Variants in RMND5A observed in about 807,000 individuals in gnomAD.
RMND5A encodes E3 ubiquitin-protein transferase RMND5A.
Under a neutral mutation model 49.7 loss-of-function variants are expected in RMND5A, and 17 were observed. That is an observed-to-expected ratio of 0.34 (90% CI 0.23 to 0.51). The LOEUF is 0.51. RMND5A is among the 20% of genes least tolerant of loss of function. The probability of loss-of-function intolerance (pLI) is 0.96; values close to 1 mark genes in which losing one functional copy is unlikely to be tolerated. For missense variants in RMND5A, 255 were observed against 471.3 expected, an observed-to-expected ratio of 0.54 and a Z score of 4.25; for synonymous variants, 156 against 167.7, an observed-to-expected ratio of 0.93 and a Z score of 0.54.
Position 86,777,016 on chromosome 2 carries a change from A to G in RMND5A, c.*3605A>G, listed in dbSNP as rs1310240974. 6.6e-6 allele frequency: 1 copy of G among 152,340 alleles called. No individual in the cohort carries two copies. Among genetic ancestry groups the G allele is most frequent in the East Asian group, 1.9e-4 (1 of 5,178 alleles). 9.4% of individuals were successfully genotyped at this position (152,340 alleles called of 1,614,324 possible). On this transcript the variant is annotated 3_prime_UTR_variant, in exon 9 of 9. Coordinates refer to ENST00000283632, the MANE Select transcript of RMND5A (RefSeq NM_022780.4). ...TCATGAACCGTTCTTAATGAACTAT[A>G]ATTGAATAGATACCAAAAATAGAAT...
chr2:86,745,120 T>G (rs1298656148), intron 2 of RMND5A, among the ~76,000 whole-genome samples: 1 of 152,184 alleles, frequency 6.6e-6, no homozygotes, highest in Non-Finnish European at 1.5e-5. Context: ...AGTATTTTAT[T>G]TAGTCAATTG....
chr2:86,749,451 G>A (rs1027585133), intron 2 of RMND5A, among the ~76,000 whole-genome samples: 1 of 151,334 alleles, frequency 6.6e-6, no homozygotes, highest in Admixed American at 6.6e-5. Context: ...GTGCAATGGC[G>A]TGATCTCGGC....
intron 2 of RMND5A, among the ~76,000 whole-genome samples, chr2:86,749,898 G>C (rs939034380): frequency 1.3e-5 from 2 of 152,140 alleles, no homozygotes; most frequent in Admixed American, 6.5e-5. Context: ...AGAAAAATGT[G>C]CTTAATTTTG....
In RMND5A at chr2:86,770,052, C is replaced by T. The variant is rs1672663831; in HGVS notation, c.884C>T (p.Ala295Val). ...TCAGCAGGTTGTGTGGCGCTGCCAG[C>T]TTTAATTAACATCAAAGCCGTGATT... is the stretch of plus-strand genomic sequence containing the variant. Reference protein sequence around the residue: ...SFSAGCVALPALINIKAVIEQ... With the variant: ...SFSAGCVALPVLINIKAVIEQ... The change falls in exon 7 of 9, where the codon GCT becomes GTT. Residue 295 changes from alanine (A) to valine (V), a missense_variant. Coordinates refer to ENST00000283632, the MANE Select transcript of RMND5A (RefSeq NM_022780.4). 4 of 1,613,962 alleles carry T rather than the reference C, an allele frequency of 2.5e-6. No individual in the cohort carries two copies. Among genetic ancestry groups the T allele is most frequent in the Non-Finnish European group, 3.4e-6 (4 of 1,179,898 alleles).
rs565580698 is a variant in RMND5A at position 86,773,598 on chromosome 2, G to A, written c.*187G>A. On this transcript the variant is annotated 3_prime_UTR_variant, in exon 9 of 9. Coordinates refer to ENST00000283632, the MANE Select transcript of RMND5A (RefSeq NM_022780.4). ...TGCTCCCGGTGAATATTATCATAGGGCTTTATTATATTCTTGGTCTTCATT... is the reference window on the plus strand; with the variant it reads ...TGCTCCCGGTGAATATTATCATAGGACTTTATTATATTCTTGGTCTTCATT... 19 of 431,698 alleles carry A rather than the reference G, an allele frequency of 4.4e-5. No individual in the cohort carries two copies. In the South Asian group the frequency reaches 1.1e-3, roughly 26 times the overall value. 26.7% of individuals were successfully genotyped at this position (431,698 alleles called of 1,614,324 possible).
intron 4 of RMND5A, among the ~76,000 whole-genome samples, chr2:86,756,748 C>T (rs1378565632): frequency 6.6e-6 from 1 of 152,100 alleles, no homozygotes; most frequent in African/African-American, 2.4e-5. Context: ...AGATATCTGC[C>T]AGTTATGCAG....
In RMND5A at chr2:86,770,040, T is replaced by C; in HGVS notation, c.872T>C (p.Val291Ala). 1 of 1,613,816 alleles carries C rather than the reference T, an allele frequency of 6.2e-7. No individual in the cohort carries two copies. Among genetic ancestry groups the C allele is most frequent in the Non-Finnish European group, 8.5e-7 (1 of 1,179,766 alleles). Residue 291 changes from valine to alanine, a missense_variant, in exon 7 of 9, where the codon GTG (valine) becomes GCG (alanine). This residue lies in a region of RMND5A where 208 missense variants were observed against 339.8 expected (regional missense o/e 0.61). Transcript: ENST00000283632. ...TCTCCCAGTTTCTCAGCAGGTTGTG[T>C]GGCGCTGCCAGCTTTAATTAACATC... ...PLSVSFSAGC[V>A]ALPALINIKA...
chr2:86,769,077 C>G (rs540094922), intron 6 of RMND5A, among the ~76,000 whole-genome samples: 1 of 152,202 alleles, frequency 6.6e-6, no homozygotes, highest in East Asian at 1.9e-4. Flanking sequence ...AGCTGGGACT[C>G]TAGGCACATG....
rs1367336231 is a variant in RMND5A, at chr2:86,728,368, G to T, written c.142+7559G>T. 2.8e-5 allele frequency among the ~76,000 whole-genome samples: 2 copies of T among 71,458 alleles called. 1 individual carries two copies. Among genetic ancestry groups the T allele is most frequent in the Non-Finnish European group, 5.7e-5 (2 of 35,162 alleles). The allele number at this position is 71,458 out of a possible 152,430, so 46.9% of individuals were successfully genotyped here. On this transcript the variant is annotated intron_variant, in intron 1 of 8. Transcript: ENST00000283632. ...ACTCTGTCACCTAGGCTGGAGTGCA[G>T]TGGTGTGTGATCTCAGCTCACTGCA... is the stretch of plus-strand genomic sequence containing the variant.
chr2:86,745,629 G>T (rs562898696), intron 2 of RMND5A, among the ~76,000 whole-genome samples: 8 of 152,172 alleles, frequency 5.3e-5, no homozygotes, highest in Non-Finnish European at 1.2e-4. Flanking sequence ...AGCAGTTGAG[G>T]ATTTACTTGA....
chr2:86,764,985 T>G, intron 4 of RMND5A, 42 bp from the exon 5 acceptor site: 2 of 1,563,156 alleles, frequency 1.3e-6, no homozygotes, highest in Non-Finnish European at 1.7e-6. Flanking sequence ...GACACCTTGC[T>G]TATGCTTTTG....
chr2:86,773,448 G>GA lies in RMND5A; in HGVS notation c.*39dup, dbSNP rs1480983719. ...TAGTTTGCAATTTGTAAGTGAAACT[G>GA]AATCGTGGGTGCATTTCAGAAGAGA... On this transcript the variant is annotated 3_prime_UTR_variant, in exon 9 of 9. Coordinates refer to ENST00000283632, the MANE Select transcript of RMND5A (RefSeq NM_022780.4). 3.1e-6 allele frequency: 4 copies of GA among 1,305,824 alleles called. No homozygotes were observed. The African/African-American group carries it at 5.8e-5, about 19-fold the overall frequency. The allele number at this position is 1,305,824 out of a possible 1,614,324, so 80.9% of individuals were successfully genotyped here. A position where few individuals can be genotyped will look rare whatever the true frequency, so the allele number is the denominator to read the frequency against.
At chr2:86,772,767 G>C (rs1672705006) in intron 8 of RMND5A, among the ~76,000 whole-genome samples, 1 of 151,988 alleles carries the variant, frequency 6.6e-6, no homozygotes, top group South Asian at 2.1e-4. Flanking sequence ...GCTGATTTTT[G>C]TATTTTTAGT....
At chr2:86,771,459 A>T in intron 7 of RMND5A, 99 bp from the exon 8 acceptor site, 1 of 1,022,160 alleles carries the variant, frequency 9.8e-7, no homozygotes, top group Middle Eastern at 2.2e-4. Flanking sequence ...AGGTGAATAG[A>T]TCTGATCAAT....
intron 2 of RMND5A, among the ~76,000 whole-genome samples, chr2:86,747,883 T>C (rs150877840): frequency 2.0e-5 from 3 of 152,304 alleles, no homozygotes; most frequent in Non-Finnish European, 4.4e-5. Flanking sequence ...CTGCCTCAGC[T>C]TCTAGATTTA....
chr2:86,764,317 A>G (rs1194278652), intron 4 of RMND5A, among the ~76,000 whole-genome samples: 1 of 152,234 alleles, frequency 6.6e-6, no homozygotes, highest in Non-Finnish European at 1.5e-5. Flanking sequence ...TTTGATTTTA[A>G]CAGCTGGCTA....
rs1304887873 is a variant in RMND5A, at chr2:86,774,584, G to A, written c.*1173G>A. ...TTCATTTATGCACTGTCCAAAAATA[G>A]CCATGTGTAAGAGTCTTTCTGTATG... On this transcript the variant is annotated 3_prime_UTR_variant, in exon 9 of 9. Coordinates refer to ENST00000283632, the MANE Select transcript of RMND5A (RefSeq NM_022780.4). 2.0e-5 allele frequency: 3 copies of A among 152,610 alleles called. No homozygotes were observed. The highest frequency in any genetic ancestry group is 4.4e-5 in the Non-Finnish European group (3 of 68,028). 9.5% of individuals were successfully genotyped at this position (152,610 alleles called of 1,614,324 possible). A position where few individuals can be genotyped will look rare whatever the true frequency, so the allele number is the denominator to read the frequency against.
Position 86,777,449 on chromosome 2 carries a change from C to T in RMND5A, c.*4038C>T, listed in dbSNP as rs1274711790. On this transcript the variant is annotated 3_prime_UTR_variant, in exon 9 of 9. Coordinates refer to ENST00000283632, the MANE Select transcript of RMND5A (RefSeq NM_022780.4). ...TGTGTCTGAAGTTCACCATTGCCCC[C>T]ACCTGCACCTAGCAAGGAACAGGTG... 2 of 152,124 alleles carry T rather than the reference C, an allele frequency of 1.3e-5. No individual in the cohort carries two copies. The highest frequency in any genetic ancestry group is 4.8e-5 in the African/African-American group (2 of 41,412). The allele number at this position is 152,124 out of a possible 1,614,324, so 9.4% of individuals were successfully genotyped here.
chr2:86,756,778 G>A (rs1486988797), intron 4 of RMND5A, among the ~76,000 whole-genome samples: 1 of 152,170 alleles, frequency 6.6e-6, no homozygotes, highest in Non-Finnish European at 1.5e-5. Flanking sequence ...TGTTCCTGCT[G>A]GGAAGGATAT....
Sources: gnomAD v4.1 joint callset for allele counts (sites outside exome capture counted in the v4.1 genomes callset) on GRCh38, gnomAD v4.1.1 for gene constraint, gnomAD v4.1.1 regional missense constraint, MANE v1.5 for transcripts, NCBI Gene and HGNC (gene_info 2026-07-23, HGNC 2026-07-21) for gene names.